CMYA5: variants seen among roughly 807,000 people sequenced by gnomAD.
The protein encoded by CMYA5 is cardiomyopathy-associated protein 5.
In CMYA5, 246 loss-of-function variants were observed where a neutral mutation model predicts 318.9. That is an observed-to-expected ratio of 0.77 (90% CI 0.70 to 0.86). CMYA5 has a LOEUF of 0.86. CMYA5 is among the 40% of genes least tolerant of loss of function. CMYA5 has a pLI of 0.00. For missense variants in CMYA5, 4,589 were observed against 4,678.2 expected, an observed-to-expected ratio of 0.98 and a Z score of 0.56; for synonymous variants, 1,641 against 1,729.5, an observed-to-expected ratio of 0.95 and a Z score of 1.27.
In CMYA5 at chr5:79,689,955, C is replaced by T; in HGVS notation, c.48C>T (p.Ser16=). Residue 16 remains serine (S), a synonymous_variant, in exon 1 of 13, where the codon TCC becomes TCT. Transcript: ENST00000446378. ...ACGCTGGCGAGAGCTTTCTCGGCTC[C>T]GACGGGGACGAGGAGGCGACCCGGG... is the stretch of plus-strand genomic sequence containing the variant. The part of the protein sequence containing the change: ...SNHAGESFLG[S]DGDEEATREL... 1.8e-6 allele frequency: 2 copies of T among 1,130,802 alleles called. No homozygotes were observed. Among genetic ancestry groups the T allele is most frequent in the Non-Finnish European group, 2.6e-6 (2 of 769,838 alleles). The allele number at this position is 1,130,802 out of a possible 1,614,324, so 70.0% of individuals were successfully genotyped here.
In CMYA5 at chr5:79,734,439, G is replaced by A; in HGVS notation, c.5674G>A (p.Glu1892Lys). Reference sequence around the variant, plus strand: ...AGAATTCTTTATTTCTCCAAAGGATGAAAACTGGATGTTGGGAAAGCCAGA... The same window carrying A: ...AGAATTCTTTATTTCTCCAAAGGATAAAAACTGGATGTTGGGAAAGCCAGA... ...MEEFFISPKD[E>K]NWMLGKPENV... The change falls in exon 2 of 13, where the codon GAA becomes AAA. Residue 1892 changes from glutamate (E) to lysine (K), a missense_variant. This residue lies in a region of CMYA5 where 26 missense variants were observed against 51.8 expected (regional missense o/e 0.50). Transcript: ENST00000446378. 1 of 1,613,756 alleles carries A rather than the reference G, an allele frequency of 6.2e-7. No homozygotes were observed. The highest frequency in any genetic ancestry group is 8.5e-7 in the Non-Finnish European group (1 of 1,179,790).
In CMYA5 at chr5:79,743,833, T is replaced by A. The variant is rs1303711774; in HGVS notation, c.10645T>A (p.Leu3549Ile). ...DTAISAVKVQ[L>I]AEFLENLQEK... ...TCTTAATTCTTTTCTTCAGGTTCAA[T>A]TAGCAGAATTTCTAGAAAATTTACA... The change falls in exon 3 of 13, where the codon TTA becomes ATA. Residue 3549 changes from leucine (L) to isoleucine (I), a missense_variant. By Grantham distance (5) the Leu-to-Ile change is conservative (BLOSUM62 2). Around this residue, in one of 3 missense-constraint regions of CMYA5, gnomAD observed 2,431 missense variants for 2,495.1 expected, o/e 0.97. Coordinates refer to ENST00000446378, the MANE Select transcript of CMYA5 (RefSeq NM_153610.5). The A allele has an allele frequency of 1.3e-5, 20 of 1,519,366 alleles. No homozygotes were observed. Among genetic ancestry groups the A allele is most frequent in the Non-Finnish European group, 1.7e-5 (19 of 1,120,216 alleles). The allele number at this position is 1,519,366 out of a possible 1,614,324, so 94.1% of individuals were successfully genotyped here.
intron 5 of CMYA5, among the ~76,000 whole-genome samples, chr5:79,750,319 C>A (rs1828406604): frequency 6.6e-6 from 1 of 152,126 alleles, no homozygotes; most frequent in Admixed American, 6.5e-5. Context: ...AGGAATTTCT[C>A]TTTTCTTTAG....
Position 79,790,646 on chromosome 5 carries a change from C to T in CMYA5, c.11690-324C>T, listed in dbSNP as rs574037577. 3.9e-5 allele frequency among the ~76,000 whole-genome samples: 6 copies of T among 152,276 alleles called. No individual in the cohort carries two copies. In the South Asian group the frequency reaches 8.3e-4, roughly 21 times the overall value. On this transcript the variant is annotated intron_variant, in intron 10 of 12. Transcript: ENST00000446378. ...TACAGATTTGAAGTCAGGAGGGCTG[C>T]GGTGGGGTCCGAGAGTCTGAATTTG...
chr5:79,794,570 A>G (rs1217538100), intron 12 of CMYA5, among the ~76,000 whole-genome samples: 3 of 152,224 alleles, frequency 2.0e-5, no homozygotes, highest in Non-Finnish European at 4.4e-5. Flanking sequence ...ACCTTAAATC[A>G]TCTAGCTCAG....
intron 1 of CMYA5, among the ~76,000 whole-genome samples, chr5:79,713,307 C>A (rs573112860): frequency 1.9e-4 from 24 of 129,230 alleles, no homozygotes; most frequent in Middle Eastern, 3.8e-3. Flanking sequence ...GCCCCCACCC[C>A]CCACCCGCCG....
At position 79,738,237 on chromosome 5, in the gene CMYA5, T is replaced by C; in HGVS notation, c.9472T>C (p.Phe3158Leu). 1 of 1,613,754 alleles carries C rather than the reference T, an allele frequency of 6.2e-7. No individual in the cohort carries two copies. Among genetic ancestry groups the C allele is most frequent in the Non-Finnish European group, 8.5e-7 (1 of 1,179,820 alleles). Residue 3158 changes from phenylalanine (F) to leucine (L), a missense_variant, in exon 2 of 13, where the codon TTT becomes CTT. Around this residue, in one of 3 missense-constraint regions of CMYA5, gnomAD observed 2,431 missense variants for 2,495.1 expected, o/e 0.97. Transcript: ENST00000446378. ...CTCAAAGTCACCGGGGATGCCTTTA[T>C]TTGAAGCAGAGGAAGGAGTTCTATC... ...VDSKSPGMPL[F>L]EAEEGVLSRT...
chr5:79,712,078 C>T (rs1332952755), intron 1 of CMYA5, among the ~76,000 whole-genome samples: 2 of 152,130 alleles, frequency 1.3e-5, no homozygotes, highest in Non-Finnish European at 2.9e-5. Context: ...ACACTGCCAC[C>T]CAAGTCTGTC....
chr5:79,768,702 G>A lies in CMYA5; in HGVS notation c.11555+5493G>A, dbSNP rs150338512. Among the ~76,000 whole-genome samples the A allele has an allele frequency of 2.5e-3, 376 of 152,284 alleles. 2 individuals carry two copies. The highest frequency in any genetic ancestry group is 8.6e-3 in the African/African-American group (357 of 41,558). On this transcript the variant is annotated intron_variant, in intron 9 of 12. Transcript: ENST00000446378. ...GGGCTTCCCTTTGTGGGCAACCCGAGCTTTCTCTCTGGCTGTCCTTAACAT... is the reference window on the plus strand; with the variant it reads ...GGGCTTCCCTTTGTGGGCAACCCGAACTTTCTCTCTGGCTGTCCTTAACAT...
In CMYA5 at chr5:79,736,110, A is replaced by G. The variant is rs1416370012; in HGVS notation, c.7345A>G (p.Arg2449Gly). Residue 2449 changes from arginine (R) to glycine (G), a missense_variant, in exon 2 of 13, where the codon AGG becomes GGG. Physicochemically the swap from Arg to Gly is moderately radical, Grantham distance 125. Transcript: ENST00000446378. ...AATTTCTGAAGAGGAAACAAAACTCAGGTCTGTTAGTCCAACTGAGAAGAA... is the reference window on the plus strand; with the variant it reads ...AATTTCTGAAGAGGAAACAAAACTCGGGTCTGTTAGTCCAACTGAGAAGAA... The part of the protein sequence containing the change: ...LKISEEETKL[R>G]SVSPTEKKDN... The G allele has an allele frequency of 1.2e-6, 2 of 1,613,178 alleles. No homozygotes were observed. The highest frequency in any genetic ancestry group is 1.7e-6 in the Non-Finnish European group (2 of 1,179,672).
intron 9 of CMYA5, among the ~76,000 whole-genome samples, chr5:79,787,833 T>C (rs1197743333): frequency 1.3e-5 from 2 of 152,188 alleles, no homozygotes; most frequent in Non-Finnish European, 2.9e-5. Context: ...TTTGTTTGTT[T>C]TCTGGGCCAA....
intron 9 of CMYA5, among the ~76,000 whole-genome samples, chr5:79,773,269 A>G (rs894054546): frequency 1.3e-5 from 2 of 152,248 alleles, no homozygotes; most frequent in African/African-American, 4.8e-5. Flanking sequence ...AACACTGACT[A>G]GTAAGAAAAG....
chr5:79,792,340 T>A (rs1829195447), intron 11 of CMYA5, among the ~76,000 whole-genome samples: 1 of 152,152 alleles, frequency 6.6e-6, no homozygotes, highest in African/African-American at 2.4e-5. Flanking sequence ...AAAAATAGAT[T>A]GAAGAAATAG....
rs1580787058 is a variant in CMYA5, at chr5:79,752,605, A to C, written c.10992-71A>C. 90 of 1,129,104 alleles carry C rather than the reference A, an allele frequency of 8.0e-5. No homozygotes were observed. The South Asian group carries it at 1.3e-3, about 16-fold the overall frequency. 69.9% of individuals were successfully genotyped at this position (1,129,104 alleles called of 1,614,324 possible). ...CACTACCAACACCAGCTTCATTTTG[A>C]ACAATTTTTTTCACTTTCATTCTGT... On this transcript the variant is annotated intron_variant, in intron 5 of 12. Transcript: ENST00000446378.
intron 1 of CMYA5, among the ~76,000 whole-genome samples, chr5:79,690,349 G>C (rs543108681): frequency 1.8e-4 from 28 of 152,276 alleles, no homozygotes; most frequent in African/African-American, 5.8e-4. Context: ...AAATGTGCTG[G>C]AACACGTACA....
chr5:79,701,277 T>C (rs922756186), intron 1 of CMYA5, among the ~76,000 whole-genome samples: 1 of 151,958 alleles, frequency 6.6e-6, no homozygotes, highest in African/African-American at 2.4e-5. Context: ...GAACAAATAA[T>C]ACCTGGTGTT....
Position 79,799,576 on chromosome 5 carries a change from A to G in CMYA5, c.12170A>G (p.His4057Arg), listed in dbSNP as rs1255695136. ...ALEKPGKCTL[H>R]LGIEPPDSVR... is the part of the protein sequence containing the mutation. ...GAGAAACCTGGAAAATGTACTTTGC[A>G]CCTGGGGATAGAGCCCCCGGATTCT... The change falls in exon 13 of 13, where the codon CAC (histidine) becomes CGC (arginine). Residue 4057 changes from histidine to arginine, a missense_variant. By Grantham distance (29) the His-to-Arg change is conservative (BLOSUM62 0). This residue lies in a region of CMYA5 where 2,431 missense variants were observed against 2,495.1 expected (regional missense o/e 0.97). Transcript: ENST00000446378. The G allele has an allele frequency of 5.0e-6, 8 of 1,613,698 alleles. No individual in the cohort carries two copies. The highest frequency in any genetic ancestry group is 6.8e-6 in the Non-Finnish European group (8 of 1,179,762).
At chr5:79,791,144 C>A (rs1580809250) in intron 11 of CMYA5, 75 bp downstream of exon 11, 1 of 966,634 alleles carries the variant, frequency 1.0e-6, no homozygotes, top group East Asian at 2.5e-5. Context: ...CTCAGGGTGG[C>A]CTCCGCTGAG....
At chr5:79,751,897 GC>G (rs1828437757) in intron 5 of CMYA5, among the ~76,000 whole-genome samples, 1 of 152,224 alleles carries the variant, frequency 6.6e-6, no homozygotes, top group East Asian at 1.9e-4. Context: ...CAAGGAAGGA[GC>G]TGAGCAAGTG....
Sources: gnomAD v4.1 joint callset for allele counts (sites outside exome capture counted in the v4.1 genomes callset) on GRCh38, gnomAD v4.1.1 for gene constraint, gnomAD v4.1.1 regional missense constraint, MANE v1.5 for transcripts, NCBI Gene and HGNC (gene_info 2026-07-23, HGNC 2026-07-21) for gene names.